UNC13C: variants seen among roughly 807,000 people sequenced by gnomAD.
UNC13C encodes the protein protein unc-13 homolog C.
Under a neutral mutation model 245.4 loss-of-function variants are expected in UNC13C, and 174 were observed. The observed-to-expected ratio is 0.71, with a 90% CI of 0.63 to 0.80. UNC13C has a LOEUF of 0.80. Among genes scored for constraint, UNC13C ranks in the 30% least tolerant of loss-of-function variants. The probability of loss-of-function intolerance (pLI) is 0.00; values close to 1 mark genes in which losing one functional copy is unlikely to be tolerated. For missense variants in UNC13C, 2,829 were observed against 2,602.9 expected, an observed-to-expected ratio of 1.09 and a Z score of -1.89; for synonymous variants, 992 against 895.1, an observed-to-expected ratio of 1.11 and a Z score of -1.93.
chr15:54,013,448 G>T lies in UNC13C; in HGVS notation c.545G>T (p.Arg182Leu). 2 of 1,613,760 alleles carry T rather than the reference G, an allele frequency of 1.2e-6. No individual in the cohort carries two copies. The highest frequency in any genetic ancestry group is 1.7e-6 in the Non-Finnish European group (2 of 1,179,838). ...CATGGCTTAAAACTGGGAGCTTTAC[G>T]AAAACTGAGAAAATGGAAAAAGAGT... ...TLHGLKLGAL[R>L]KLRKWKKSQE... Residue 182 changes from arginine (R) to leucine (L), a missense_variant, in exon 2 of 33, where the codon CGA becomes CTA. Arg to Leu is a moderately radical substitution (Grantham distance 102). Coordinates refer to ENST00000260323, the MANE Select transcript of UNC13C (RefSeq NM_001080534.3).
At chr15:54,300,454 T>G in intron 13 of UNC13C, 81 bp downstream of exon 13, 6 of 1,314,010 alleles carry the variant, frequency 4.6e-6, no homozygotes, top group Non-Finnish European at 6.2e-6. Context: ...TCACTTCTAA[T>G]TCAAATGAAA....
intron 13 of UNC13C, among the ~76,000 whole-genome samples, chr15:54,311,372 T>C (rs1288586070): frequency 6.6e-6 from 1 of 151,802 alleles, no homozygotes; most frequent in East Asian, 1.9e-4. Flanking sequence ...TACTCATATT[T>C]AAATTTTTGA....
intron 2 of UNC13C, among the ~76,000 whole-genome samples, chr15:54,018,963 A>T (rs1895779853): frequency 6.6e-6 from 1 of 152,162 alleles, no homozygotes; most frequent in Non-Finnish European, 1.5e-5. Context: ...TCCAAATTCA[A>T]ACTGTGGCTT....
intron 4 of UNC13C, among the ~76,000 whole-genome samples, chr15:54,201,494 G>T (rs1161357343): frequency 1.3e-5 from 2 of 151,926 alleles, no homozygotes; most frequent in African/African-American, 2.4e-5. Context: ...TACCAGGAAT[G>T]CAGGGATGGT....
chr15:54,202,492 A>G (rs1200452396), intron 4 of UNC13C, among the ~76,000 whole-genome samples: 1 of 152,088 alleles, frequency 6.6e-6, no homozygotes, highest in Admixed American at 6.6e-5. Flanking sequence ...GGAACAGAAT[A>G]GAGAACCCAG....
At chr15:54,072,890 T>C (rs1898398229) in intron 2 of UNC13C, among the ~76,000 whole-genome samples, 1 of 152,166 alleles carries the variant, frequency 6.6e-6, no homozygotes, top group Non-Finnish European at 1.5e-5. Context: ...CTTCTTTTTT[T>C]TTAAATTATA....
intron 2 of UNC13C, among the ~76,000 whole-genome samples, chr15:54,095,670 A>G (rs1368456277): frequency 6.6e-6 from 1 of 152,214 alleles, no homozygotes; most frequent in Non-Finnish European, 1.5e-5. Context: ...ATTTATATTC[A>G]CAGTCACTTT....
chr15:54,034,462 A>C (rs1896489081), intron 2 of UNC13C, among the ~76,000 whole-genome samples: 2 of 152,192 alleles, frequency 1.3e-5, no homozygotes, highest in Non-Finnish European at 2.9e-5. Context: ...AATTAGTGGT[A>C]TTAACTCTGT....
Position 54,355,413 on chromosome 15 carries a change from A to G in UNC13C, c.4713+16924A>G, listed in dbSNP as rs376195072. 3.3e-5 allele frequency among the ~76,000 whole-genome samples: 5 copies of G among 152,006 alleles called. No individual in the cohort carries two copies. The East Asian group carries it at 9.7e-4, about 30-fold the overall frequency. Reference sequence around the variant, plus strand: ...ACTTTATCACCCAGGGTGGAGTGCCATGGCGCGATCTCGGCTCACTGCAAC... The same window carrying G: ...ACTTTATCACCCAGGGTGGAGTGCCGTGGCGCGATCTCGGCTCACTGCAAC... On this transcript the variant is annotated intron_variant, in intron 17 of 32. Transcript: ENST00000260323.
intron 4 of UNC13C, among the ~76,000 whole-genome samples, chr15:54,180,365 A>G (rs186062610): frequency 2.6e-5 from 4 of 152,174 alleles, no homozygotes; most frequent in Non-Finnish European, 5.9e-5. Context: ...ACAGTATTCC[A>G]TGGCAATATG....
At chr15:54,492,624 G>T (rs1196035439) in intron 19 of UNC13C, among the ~76,000 whole-genome samples, 1 of 152,158 alleles carries the variant, frequency 6.6e-6, no homozygotes, top group African/African-American at 2.4e-5. Context: ...GACACATACA[G>T]TTGAACCAAA....
At chr15:54,325,073 T>A (rs2038260926) in intron 14 of UNC13C, among the ~76,000 whole-genome samples, 1 of 152,046 alleles carries the variant, frequency 6.6e-6, no homozygotes, top group African/African-American at 2.4e-5. Context: ...AAAGATTGAA[T>A]ATCCCTGGCA....
chr15:54,043,630 G>C (rs752247832), intron 2 of UNC13C, among the ~76,000 whole-genome samples: 2 of 152,162 alleles, frequency 1.3e-5, no homozygotes, highest in African/African-American at 2.4e-5. Context: ...AAGGGAAACA[G>C]GTTTCTACTC....
At chr15:54,143,755 G>T in intron 4 of UNC13C, 71 bp downstream of exon 4, 1 of 1,152,474 alleles carries the variant, frequency 8.7e-7, no homozygotes, top group South Asian at 1.4e-5. Flanking sequence ...CAACATATAT[G>T]CTTTGAGTGC....
intron 2 of UNC13C, among the ~76,000 whole-genome samples, chr15:54,087,577 A>T (rs1487710875): frequency 6.6e-6 from 1 of 152,188 alleles, no homozygotes; most frequent in East Asian, 1.9e-4. Context: ...CCTCATGTCC[A>T]CAGATGGGCA....
chr15:54,243,850 T>G (rs1266601908), intron 7 of UNC13C, among the ~76,000 whole-genome samples: 26 of 152,212 alleles, frequency 1.7e-4, no homozygotes, highest in Admixed American at 1.2e-3. Context: ...TAAATTTGTT[T>G]AAGTTCCTTA....
At position 54,589,275 on chromosome 15, in the gene UNC13C, ATCTTCT is replaced by A. The variant is rs763547702; in HGVS notation, c.6106+21339_6106+21344del. ...TCATATGCTTGTTAGCCATTTGTATATCTTCTTCTTCTTCTTTTTTTTTTTTTTTTT... is the reference window on the plus strand; with the variant it reads ...TCATATGCTTGTTAGCCATTTGTATATCTTCTTCTTTTTTTTTTTTTTTTT... On this transcript the variant is annotated intron_variant, in intron 30 of 32. Transcript: ENST00000260323. Among the ~76,000 whole-genome samples the A allele has an allele frequency of 6.3e-5, 6 of 95,194 alleles. No homozygotes were observed. The South Asian group carries it at 2.0e-3, about 32-fold the overall frequency. The allele number at this position is 95,194 out of a possible 152,430, so 62.5% of individuals were successfully genotyped here.
intron 2 of UNC13C, among the ~76,000 whole-genome samples, chr15:54,023,078 A>G (rs1343424339): frequency 6.6e-6 from 1 of 152,204 alleles, no homozygotes; most frequent in Non-Finnish European, 1.5e-5. Flanking sequence ...AAAGAAACCA[A>G]TAGGTATGCT....
intron 2 of UNC13C, among the ~76,000 whole-genome samples, chr15:54,072,822 C>A (rs1156437277): frequency 6.6e-6 from 1 of 152,076 alleles, no homozygotes; most frequent in African/African-American, 2.4e-5. Flanking sequence ...ATTTACTAAC[C>A]AAACCTTGAC....
Sources: gnomAD v4.1 joint callset for allele counts (sites outside exome capture counted in the v4.1 genomes callset) on GRCh38, gnomAD v4.1.1 for gene constraint, MANE v1.5 for transcripts, NCBI Gene and HGNC (gene_info 2026-07-23, HGNC 2026-07-21) for gene names.